NAA40: variants seen among roughly 807,000 people sequenced by gnomAD.
NAA40 encodes the protein N-alpha-acetyltransferase 40, NatD catalytic subunit.
Under a neutral mutation model 36.6 loss-of-function variants are expected in NAA40, and 26 were observed. The ratio of observed to expected loss-of-function variants is 0.71; its 90% CI spans 0.52 to 0.98. NAA40 has a LOEUF of 0.98. NAA40 is among the 50% of genes least tolerant of loss of function. The probability of loss-of-function intolerance (pLI) is 0.00; values close to 1 mark genes in which losing one functional copy is unlikely to be tolerated. For synonymous variants in NAA40, 129 were observed against 108.4 expected, an observed-to-expected ratio of 1.19 and a Z score of -1.18; for missense variants, 237 against 306.5, an observed-to-expected ratio of 0.77 and a Z score of 1.69.
rs1200700851 is a variant in NAA40 at position 63,957,182 on chromosome 11, A to ATATATAT, written c.*2703_*2704insTATATAT. On this transcript the variant is annotated 3_prime_UTR_variant, in exon 8 of 8. Coordinates refer to ENST00000377793, the MANE Select transcript of NAA40 (RefSeq NM_024771.4). Reference sequence around the variant, plus strand: ...TTTTTTAAGAGGAAATTTGGAAGATAAACTCCTTGATATATATATATATAT... The same window carrying ATATATAT: ...TTTTTTAAGAGGAAATTTGGAAGATATATATATAACTCCTTGATATATATATATATAT... 7.2e-6 allele frequency: 1 copy of ATATATAT among 138,200 alleles called. No homozygotes were observed. Among genetic ancestry groups the ATATATAT allele is most frequent in the Non-Finnish European group, 1.6e-5 (1 of 64,494 alleles). 8.6% of individuals were successfully genotyped at this position (138,200 alleles called of 1,614,324 possible).
At chr11:63,953,110 G>A (rs910830939) in intron 6 of NAA40, among the ~76,000 whole-genome samples, 3 of 148,046 alleles carry the variant, frequency 2.0e-5, no homozygotes, top group East Asian at 2.0e-4. Context: ...GTGCAATGGT[G>A]CCATCTTGGC....
rs1424902961 is a variant in NAA40, at chr11:63,957,133, C to T, written c.*2654C>T. ...TTGTTGGTGTCAAGTATGTATAGGA[C>T]ATGTGAATGGTTCTTTTTAATTTTT... On this transcript the variant is annotated 3_prime_UTR_variant, in exon 8 of 8. Transcript: ENST00000377793. 6.7e-6 allele frequency: 1 copy of T among 149,602 alleles called. No individual in the cohort carries two copies. Among genetic ancestry groups the T allele is most frequent in the Non-Finnish European group, 1.5e-5 (1 of 67,730 alleles). 9.3% of individuals were successfully genotyped at this position (149,602 alleles called of 1,614,324 possible). A position where few individuals can be genotyped will look rare whatever the true frequency, so the allele number is the denominator to read the frequency against.
At position 63,953,983 on chromosome 11, in the gene NAA40, A is replaced by G; in HGVS notation, c.506A>G (p.Lys169Arg). ...LQLMANSTQM[K>R]KVMLTVFKHN... Reference sequence around the variant, plus strand: ...CTGCTTTCTTCCAGCACACAGATGAAGAAGGTTATGTTAACAGTATTTAAA... The same window carrying G: ...CTGCTTTCTTCCAGCACACAGATGAGGAAGGTTATGTTAACAGTATTTAAA... Residue 169 changes from lysine (K) to arginine (R), a missense_variant, in exon 7 of 8, where the codon AAG (lysine) becomes AGG (arginine). By Grantham distance (26) the Lys-to-Arg change is conservative (BLOSUM62 2). Coordinates refer to ENST00000377793, the MANE Select transcript of NAA40 (RefSeq NM_024771.4). 6.2e-7 allele frequency: 1 copy of G among 1,614,030 alleles called. No homozygotes were observed. Among genetic ancestry groups the G allele is most frequent in the Non-Finnish European group, 8.5e-7 (1 of 1,179,986 alleles).
chr11:63,953,122 C>T (rs2134280654), intron 6 of NAA40, among the ~76,000 whole-genome samples: 1 of 145,266 alleles, frequency 6.9e-6, no homozygotes, highest in Middle Eastern at 3.9e-3. Flanking sequence ...CATCTTGGCT[C>T]ACTGCAGCCT....
rs76803091 is a variant in NAA40 at position 63,940,885 on chromosome 11, C to T, written c.6+1783C>T. ...TTTAACCTAAATTTTGGTGAAAGGT[C>T]CTAGACACAGCCATTGTTGAAACTA... On this transcript the variant is annotated intron_variant, in intron 1 of 7. Coordinates refer to ENST00000377793, the MANE Select transcript of NAA40 (RefSeq NM_024771.4). Among the ~76,000 whole-genome samples, 185 of 152,326 alleles carry T rather than the reference C, an allele frequency of 1.2e-3. 1 individual carries two copies. Among genetic ancestry groups the T allele is most frequent in the African/African-American group, 4.3e-3 (180 of 41,578 alleles).
chr11:63,939,196 G>C, intron 1 of NAA40, 94 bp downstream of exon 1: 1 of 1,320,602 alleles, frequency 7.6e-7, no homozygotes. Flanking sequence ...ACGTGACCCC[G>C]ACCCCCTCCA....
Position 63,945,888 on chromosome 11 carries a change from C to A in NAA40, c.55C>A (p.Arg19=). Residue 19 remains arginine (R), a synonymous_variant, in exon 2 of 8, where the codon CGA becomes AGA. Transcript: ENST00000377793. ...GAAGAAGCAGAAGCGGTTGGAGGAG[C>A]GAGCAGCCATGGATGCCGTTTGTGC... The part of the protein sequence containing the change: ...KEKKQKRLEE[R]AAMDAVCAKV... 1.2e-6 allele frequency: 2 copies of A among 1,614,152 alleles called. No individual in the cohort carries two copies. Among genetic ancestry groups the A allele is most frequent in the Non-Finnish European group, 1.7e-6 (2 of 1,180,020 alleles).
intron 3 of NAA40, among the ~76,000 whole-genome samples, chr11:63,948,937 T>C (rs1174216517): frequency 1.3e-5 from 2 of 152,052 alleles, no homozygotes; most frequent in East Asian, 1.9e-4. Flanking sequence ...CCCAGCACTT[T>C]GGGAGGCTGA....
chr11:63,939,424 C>G, intron 1 of NAA40: 10 of 1,139,710 alleles, frequency 8.8e-6, no homozygotes, highest in Non-Finnish European at 1.1e-5. Flanking sequence ...TTCCCGCTCC[C>G]CCAGGGTCAC....
rs1240307163 is a variant in NAA40, at chr11:63,957,005, T to C, written c.*2526T>C. 6.6e-6 allele frequency: 1 copy of C among 151,800 alleles called. No individual in the cohort carries two copies. The highest frequency in any genetic ancestry group is 1.5e-5 in the Non-Finnish European group (1 of 67,970). The allele number at this position is 151,800 out of a possible 1,614,324, so 9.4% of individuals were successfully genotyped here. A position where few individuals can be genotyped will look rare whatever the true frequency, so the allele number is the denominator to read the frequency against. ...AAAAAAAGAGAAACATAGCAGGCCT[T>C]TTTTACCAGGCTTTTTGTGTTTTGT... On this transcript the variant is annotated 3_prime_UTR_variant, in exon 8 of 8. Coordinates refer to ENST00000377793, the MANE Select transcript of NAA40 (RefSeq NM_024771.4).
rs1942060628 is a variant in NAA40, at chr11:63,939,018, C to T, written c.-79C>T. 1.3e-6 allele frequency: 2 copies of T among 1,495,494 alleles called. No homozygotes were observed. Among genetic ancestry groups the T allele is most frequent in the Non-Finnish European group, 9.2e-7 (1 of 1,089,986 alleles). 92.6% of individuals were successfully genotyped at this position (1,495,494 alleles called of 1,614,324 possible). ...TGCAGGGCCGTCCGCTCTGCTGCCG[C>T]CGCTGTTGCAGCCACCGCCGTTGCC... On this transcript the variant is annotated 5_prime_UTR_variant, in exon 1 of 8. Coordinates refer to ENST00000377793, the MANE Select transcript of NAA40 (RefSeq NM_024771.4).
intron 1 of NAA40, among the ~76,000 whole-genome samples, chr11:63,939,763 G>A (rs1942076650): frequency 6.6e-6 from 1 of 152,156 alleles, no homozygotes; most frequent in Admixed American, 6.5e-5. Context: ...GGGTTGTTAG[G>A]GGTTTTGGTA....
At chr11:63,942,543 C>T (rs974028664) in intron 1 of NAA40, among the ~76,000 whole-genome samples, 1 of 152,266 alleles carries the variant, frequency 6.6e-6, no homozygotes, top group Middle Eastern at 3.4e-3. Flanking sequence ...TTCAAAATCC[C>T]GCACTCTCTT....
At chr11:63,942,792 C>T (rs1429679253) in intron 1 of NAA40, among the ~76,000 whole-genome samples, 4 of 152,070 alleles carry the variant, frequency 2.6e-5, no homozygotes, top group Non-Finnish European at 4.4e-5. Context: ...GGGCAGGCAG[C>T]GGAGCTCGTA....
rs10897465 is a variant in NAA40 at position 63,954,976 on chromosome 11, C to T, written c.*497C>T. 39,539 of 152,732 alleles carry T rather than the reference C, an allele frequency of 0.26. 6,580 individuals carry two copies. Among genetic ancestry groups the T allele is most frequent in the Non-Finnish European group, 0.37 (25,327 of 68,230 alleles). 9.5% of individuals were successfully genotyped at this position (152,732 alleles called of 1,614,324 possible). ...GCGGCTTCAGAGAGACTCACGCTTG[C>T]GCAGTTGGAATTGCTGTTAACGGAG... On this transcript the variant is annotated 3_prime_UTR_variant, in exon 8 of 8. Coordinates refer to ENST00000377793, the MANE Select transcript of NAA40 (RefSeq NM_024771.4).
chr11:63,939,779 G>A lies in NAA40; in HGVS notation c.6+677G>A, dbSNP rs140098619. 4.1e-3 allele frequency among the ~76,000 whole-genome samples: 631 copies of A among 152,272 alleles called. 8 individuals carry two copies. Among genetic ancestry groups the A allele is most frequent in the African/African-American group, 0.014 (597 of 41,554 alleles). On this transcript the variant is annotated intron_variant, in intron 1 of 7. Coordinates refer to ENST00000377793, the MANE Select transcript of NAA40 (RefSeq NM_024771.4). ...GGTTGTTAGGGGTTTTGGTAGTGCA[G>A]GTGTTTTTTGCAAGGGGAGGGCTGT...
At chr11:63,939,479 G>C in intron 1 of NAA40, 3 of 1,035,754 alleles carry the variant, frequency 2.9e-6, no homozygotes, top group Non-Finnish European at 3.5e-6. Context: ...CACATCCGAG[G>C]TCAACCCTGG....
At chr11:63,939,973 G>A (rs145736389) in intron 1 of NAA40, among the ~76,000 whole-genome samples, 202 of 150,240 alleles carry the variant, frequency 1.3e-3, no homozygotes, top group African/African-American at 4.7e-3. Context: ...ACCTTACTAA[G>A]TCTCAATTAC....
chr11:63,951,144 A>G (rs1942273000), intron 3 of NAA40, among the ~76,000 whole-genome samples: 1 of 152,216 alleles, frequency 6.6e-6, no homozygotes, highest in Admixed American at 6.5e-5. Flanking sequence ...AGGTATTGAT[A>G]CGGGAGCTCT....
Sources: allele counts gnomAD v4.1 joint callset (sites outside exome capture counted in the v4.1 genomes callset), GRCh38; gene constraint gnomAD v4.1.1; transcripts MANE v1.5; gene names NCBI Gene and HGNC (gene_info 2026-07-23, HGNC 2026-07-21).